Variants in KSR2 observed in about 807,000 individuals in gnomAD.
KSR2 encodes the protein kinase suppressor of ras 2.
A neutral mutation model predicts 107.8 loss-of-function variants in KSR2; 25 were observed. The ratio of observed to expected loss-of-function variants is 0.23; its 90% confidence interval spans 0.17 to 0.32. The LOEUF is 0.32. Ranked by LOEUF, KSR2 falls within the 10% of genes least tolerant of loss-of-function variation. KSR2 has a pLI of 1.00. For synonymous variants in KSR2, 480 were observed against 507.0 expected (o/e 0.95, Z 0.71); for missense variants, 887 against 1,268.9 (o/e 0.70, Z 4.57).
At chr12:117,558,393 G>GT in intron 8 of KSR2, 113 bp downstream of exon 8, 1 of 723,882 alleles carries the variant, frequency 1.4e-6, no homozygotes, top group East Asian at 2.6e-5. Context: ...AATGCTGGAA[G>GT]TATGTGGGGA....
chr12:117,864,095 A>C (rs1170159602), intron 1 of KSR2, among the ~76,000 whole-genome samples: 1 of 152,110 alleles, frequency 6.6e-6, no homozygotes, highest in African/African-American at 2.4e-5. Context: ...ACACCTGTGC[A>C]CTTACCCGGG....
chr12:117,718,050 TTAC>T (rs2136678013), intron 4 of KSR2, among the ~76,000 whole-genome samples: 1 of 152,296 alleles, frequency 6.6e-6, no homozygotes, highest in East Asian at 1.9e-4. Flanking sequence ...CACTTTGCAG[TTAC>T]AAAAGCCAAC....
At chr12:117,603,002 G>A (rs895485368) in intron 5 of KSR2, among the ~76,000 whole-genome samples, 1 of 152,174 alleles carries the variant, frequency 6.6e-6, no homozygotes, top group Non-Finnish European at 1.5e-5. Context: ...TAAACAGCTG[G>A]CAAATTGAGG....
chr12:117,696,522 A>G (rs968506858), intron 4 of KSR2, among the ~76,000 whole-genome samples: 10 of 150,186 alleles, frequency 6.7e-5, no homozygotes, highest in Admixed American at 6.6e-4. Context: ...GGTCGGGGGG[A>G]GTATCATGGT....
chr12:117,685,151 C>G (rs1885517495), intron 4 of KSR2, among the ~76,000 whole-genome samples: 1 of 152,208 alleles, frequency 6.6e-6, no homozygotes, highest in South Asian at 2.1e-4. Context: ...TCCACCATCC[C>G]CTGAGCTCAT....
At chr12:117,672,139 G>A (rs1884935204) in intron 4 of KSR2, among the ~76,000 whole-genome samples, 2 of 152,288 alleles carry the variant, frequency 1.3e-5, no homozygotes, top group South Asian at 4.1e-4. Flanking sequence ...GAGAAGAAAG[G>A]AAAGCAAGGC....
chr12:117,950,424 A>G (rs886914113), intron 1 of KSR2, among the ~76,000 whole-genome samples: 2 of 152,148 alleles, frequency 1.3e-5, no homozygotes, highest in Admixed American at 1.3e-4. Context: ...TTCAACTGCT[A>G]TATGTTTGAA....
intron 3 of KSR2, among the ~76,000 whole-genome samples, chr12:117,768,738 T>G (rs951391150): frequency 1.3e-5 from 2 of 151,898 alleles, no homozygotes; most frequent in African/African-American, 4.8e-5. Context: ...AAAGGAAAAA[T>G]AGCCAACATT....
At chr12:117,482,420 A>C (rs972033207) in intron 16 of KSR2, among the ~76,000 whole-genome samples, 3 of 152,208 alleles carry the variant, frequency 2.0e-5, no homozygotes, top group Non-Finnish European at 1.5e-5. Context: ...GAGATGGTTC[A>C]TTGCAGAATA....
At chr12:117,684,903 A>G (rs1885507286) in intron 4 of KSR2, among the ~76,000 whole-genome samples, 1 of 152,158 alleles carries the variant, frequency 6.6e-6, no homozygotes, top group Non-Finnish European at 1.5e-5. Context: ...CTACCGTAAG[A>G]GTTGATCGCA....
chr12:117,588,291 C>T (rs2136260257), intron 5 of KSR2, among the ~76,000 whole-genome samples: 1 of 152,252 alleles, frequency 6.6e-6, no homozygotes, highest in South Asian at 2.1e-4. Context: ...GAGGACAGTT[C>T]CTGAAGAAAT....
At chr12:117,934,801 G>T (rs971490433) in intron 1 of KSR2, among the ~76,000 whole-genome samples, 8 of 152,118 alleles carry the variant, frequency 5.3e-5, no homozygotes, top group Admixed American at 4.6e-4. Context: ...GCAAGCCACA[G>T]TCGTCTTCTT....
intron 1 of KSR2, among the ~76,000 whole-genome samples, chr12:117,895,155 T>G (rs1029737176): frequency 5.9e-5 from 9 of 152,110 alleles, no homozygotes; most frequent in African/African-American, 2.2e-4. Context: ...GAGGATCGCT[T>G]GAGCCCAGGA....
At chr12:117,669,504 T>C (rs1175526626) in intron 4 of KSR2, among the ~76,000 whole-genome samples, 2 of 151,650 alleles carry the variant, frequency 1.3e-5, no homozygotes, top group African/African-American at 2.4e-5. Context: ...ATAATAATAA[T>C]GGACAATACC....
chr12:117,725,653 T>C (rs1170991103), intron 4 of KSR2, among the ~76,000 whole-genome samples: 1 of 152,080 alleles, frequency 6.6e-6, no homozygotes, highest in Non-Finnish European at 1.5e-5. Flanking sequence ...GCACTAAACA[T>C]TAAAAAAATT....
At chr12:117,927,899 G>T (rs974596554) in intron 1 of KSR2, among the ~76,000 whole-genome samples, 1 of 151,872 alleles carries the variant, frequency 6.6e-6, no homozygotes, top group African/African-American at 2.4e-5. Context: ...AAGCACATAC[G>T]CAGTGTTGTG....
intron 7 of KSR2, among the ~76,000 whole-genome samples, chr12:117,561,567 T>C (rs1446591610): frequency 6.6e-6 from 1 of 152,218 alleles, no homozygotes; most frequent in Non-Finnish European, 1.5e-5. Flanking sequence ...CAATGCTAAA[T>C]GCCTTCCTAA....
At chr12:117,567,546 C>T (rs972503846) in intron 7 of KSR2, among the ~76,000 whole-genome samples, 2 of 151,796 alleles carry the variant, frequency 1.3e-5, no homozygotes, top group Non-Finnish European at 2.9e-5. Flanking sequence ...CACCCTCTGG[C>T]AGCAGAAACT....
chr12:117,927,834 G>C (rs552173522), intron 1 of KSR2, among the ~76,000 whole-genome samples: 4 of 152,070 alleles, frequency 2.6e-5, no homozygotes, highest in Admixed American at 2.6e-4. Context: ...TTATTATTCT[G>C]GTAAAATATA....
Sources: gnomAD v4.1 joint callset for allele counts (sites outside exome capture counted in the v4.1 genomes callset) on GRCh38, gnomAD v4.1.1 for gene constraint, MANE v1.5 for transcripts, NCBI Gene and HGNC (gene_info 2026-07-23, HGNC 2026-07-21) for gene names.